MCPH1: variants seen among roughly 807,000 people sequenced by gnomAD.
The protein encoded by MCPH1 is microcephalin.
In MCPH1, 104 loss-of-function variants were observed where a neutral mutation model predicts 84.5. The observed-to-expected ratio is 1.23, with a 90% confidence interval of 1.05 to 1.45. The LOEUF (loss-of-function observed/expected upper bound fraction) is 1.45. MCPH1 is among the 40% of genes most tolerant of loss of function. The pLI, the probability that MCPH1 is intolerant of heterozygous loss-of-function variation, is 0.00. For synonymous variants in MCPH1, 514 were observed against 366.8 expected (o/e 1.40, Z -4.58); for missense variants, 1,498 against 1,005.7 (o/e 1.49, Z -6.62).
chr8:6,470,448 C>G (rs555328258), intron 9 of MCPH1, among the ~76,000 whole-genome samples: 1 of 152,196 alleles, frequency 6.6e-6, no homozygotes, highest in African/African-American at 2.4e-5. Context: ...CCACACCCAG[C>G]TAATTTTTGT....
chr8:6,593,780 C>T (rs889341478), intron 12 of MCPH1, among the ~76,000 whole-genome samples: 6 of 152,198 alleles, frequency 3.9e-5, no homozygotes, highest in Admixed American at 1.3e-4. Context: ...ATAAAATTGT[C>T]GCATAGGACT....
At chr8:6,416,975 CAA>C (rs1285138541) in intron 3 of MCPH1, among the ~76,000 whole-genome samples, 29 of 150,190 alleles carry the variant, frequency 1.9e-4, no homozygotes, top group Middle Eastern at 6.8e-3. Context: ...GCCTGGGCGA[CAA>C]GAGCGGGGAA....
At chr8:6,474,232 C>A in intron 9 of MCPH1, 1 of 633,400 alleles carries the variant, frequency 1.6e-6, no homozygotes, top group Admixed American at 2.4e-5. Flanking sequence ...AGTCGTCATA[C>A]AATTGCTTTT....
chr8:6,479,132 G>A (rs1311661064), intron 10 of MCPH1, among the ~76,000 whole-genome samples: 2 of 152,050 alleles, frequency 1.3e-5, no homozygotes, highest in Non-Finnish European at 2.9e-5. Context: ...CAGACTTGGT[G>A]GTGAATTGCC....
At chr8:6,577,931 G>T (rs1041869562) in intron 12 of MCPH1, among the ~76,000 whole-genome samples, 3 of 152,190 alleles carry the variant, frequency 2.0e-5, no homozygotes, top group Non-Finnish European at 4.4e-5. Flanking sequence ...AAACCCTTCC[G>T]AGATGGAGTG....
intron 12 of MCPH1, among the ~76,000 whole-genome samples, chr8:6,537,508 G>C (rs989059890): frequency 1.3e-5 from 2 of 151,560 alleles, no homozygotes; most frequent in East Asian, 3.9e-4. Flanking sequence ...GCAGCGCATC[G>C]AAACTCAAGC....
At chr8:6,510,163 T>TTC (rs1554517208) in intron 12 of MCPH1, among the ~76,000 whole-genome samples, 1 of 151,308 alleles carries the variant, frequency 6.6e-6, no homozygotes, top group Non-Finnish European at 1.5e-5. Flanking sequence ...TTTTTCTTTT[T>TTC]TTTTTTTTAT....
intron 13 of MCPH1, among the ~76,000 whole-genome samples, chr8:6,637,330 G>A (rs1044985995): frequency 6.6e-6 from 1 of 152,188 alleles, no homozygotes; most frequent in South Asian, 2.1e-4. Flanking sequence ...CCCCTTGCAG[G>A]TGAGTGGCAT....
At chr8:6,589,308 TA>T (rs10713862) in intron 12 of MCPH1, among the ~76,000 whole-genome samples, 56,047 of 152,044 alleles carry the variant, frequency 0.37, 10,717 homozygotes, top group East Asian at 0.5. Flanking sequence ...TTGTTTCCAG[TA>T]AAAATTGGGA....
At chr8:6,554,089 C>T (rs926937032) in intron 12 of MCPH1, among the ~76,000 whole-genome samples, 5 of 149,650 alleles carry the variant, frequency 3.3e-5, no homozygotes, top group African/African-American at 1.2e-4. Flanking sequence ...ATACTGAGTA[C>T]TTCAGACAGG....
intron 12 of MCPH1, among the ~76,000 whole-genome samples, chr8:6,581,276 T>C (rs1168105135): frequency 6.6e-6 from 1 of 152,232 alleles, no homozygotes; most frequent in Non-Finnish European, 1.5e-5. Flanking sequence ...ATCCTACTGT[T>C]CAAGGTCATC....
At chr8:6,514,822 TC>T (rs544718454) in intron 12 of MCPH1, 4 of 1,514,836 alleles carry the variant, frequency 2.6e-6, no homozygotes, top group East Asian at 2.3e-5. Context: ...GCCCCCCCAC[TC>T]CCCCCTTACG....
At chr8:6,460,973 ATT>A (rs1271659811) in intron 9 of MCPH1, among the ~76,000 whole-genome samples, 1 of 152,180 alleles carries the variant, frequency 6.6e-6, no homozygotes, top group Non-Finnish European at 1.5e-5. Context: ...CGATGGGTGA[ATT>A]TTAACGGCCA....
chr8:6,569,109 C>G (rs1826458155), intron 12 of MCPH1, among the ~76,000 whole-genome samples: 1 of 152,112 alleles, frequency 6.6e-6, no homozygotes, highest in Non-Finnish European at 1.5e-5. Context: ...ACAGGGAAAA[C>G]CATTAGAAGG....
chr8:6,592,337 G>C (rs115166330), intron 12 of MCPH1, among the ~76,000 whole-genome samples: 1,945 of 151,890 alleles, frequency 0.013, 42 homozygotes, highest in African/African-American at 0.044. Context: ...GGTAGAGACA[G>C]GGTTTTGCCA....
chr8:6,640,002 T>C (rs1244931104), intron 13 of MCPH1, among the ~76,000 whole-genome samples: 1 of 151,580 alleles, frequency 6.6e-6, no homozygotes, highest in African/African-American at 2.4e-5. Flanking sequence ...GCCTCCCAAG[T>C]AGGCGGGACT....
intron 12 of MCPH1, among the ~76,000 whole-genome samples, chr8:6,570,544 A>C (rs1826568718): frequency 6.6e-6 from 1 of 152,200 alleles, no homozygotes. Flanking sequence ...GCGGGCCTCC[A>C]CAGCCAAGGC....
chr8:6,565,369 C>G (rs1226385456), intron 12 of MCPH1, among the ~76,000 whole-genome samples: 1 of 152,066 alleles, frequency 6.6e-6, no homozygotes, highest in Non-Finnish European at 1.5e-5. Flanking sequence ...TTTTTATTTC[C>G]TGTTTGAAAA....
At chr8:6,493,639 T>C (rs1440259025) in intron 11 of MCPH1, among the ~76,000 whole-genome samples, 2 of 152,176 alleles carry the variant, frequency 1.3e-5, no homozygotes, top group Non-Finnish European at 2.9e-5. Context: ...GAAGTGCAGA[T>C]CCTGGTTCAG....
Sources: gnomAD v4.1 joint callset for allele counts (sites outside exome capture counted in the v4.1 genomes callset) on GRCh38, gnomAD v4.1.1 for gene constraint, MANE v1.5 for transcripts, NCBI Gene and HGNC (gene_info 2026-07-23, HGNC 2026-07-21) for gene names.